MLLT3: variants seen among roughly 807,000 people sequenced by gnomAD.
The protein encoded by MLLT3 is MLLT3 super elongation complex subunit.
A neutral mutation model predicts 53.2 loss-of-function variants in MLLT3; 4 were observed. The observed-to-expected ratio is 0.08, with a 90% confidence interval of 0.04 to 0.17. The LOEUF (loss-of-function observed/expected upper bound fraction) is 0.17. Ranked by LOEUF, MLLT3 falls within the 10% of genes least tolerant of loss-of-function variation. The probability of loss-of-function intolerance (pLI) is 1.00; values close to 1 mark genes in which losing one functional copy is unlikely to be tolerated. For missense variants in MLLT3, 569 were observed against 684.0 expected (o/e 0.83, Z 1.87); for synonymous variants, 283 against 230.6 (o/e 1.23, Z -2.06).
chr9:20,353,009 C>T (rs139054554), intron 10 of MLLT3, among the ~76,000 whole-genome samples: 18 of 152,164 alleles, frequency 1.2e-4, no homozygotes, highest in African/African-American at 4.3e-4. Context: ...ACAAGTATTC[C>T]ACTACAAGTA....
chr9:20,389,173 T>C (rs1822121461), intron 5 of MLLT3, among the ~76,000 whole-genome samples: 1 of 152,222 alleles, frequency 6.6e-6, no homozygotes, highest in Admixed American at 6.5e-5. Context: ...AATGGAATAT[T>C]ACTCAGACAT....
intron 2 of MLLT3, among the ~76,000 whole-genome samples, chr9:20,479,884 C>A (rs1280202605): frequency 2.6e-5 from 4 of 152,068 alleles, no homozygotes; most frequent in African/African-American, 4.8e-5. Context: ...CATAACAATG[C>A]CATGGTATAT....
intron 5 of MLLT3, among the ~76,000 whole-genome samples, chr9:20,405,340 T>A (rs1452234722): frequency 6.6e-6 from 1 of 152,244 alleles, no homozygotes; most frequent in Non-Finnish European, 1.5e-5. Context: ...CACCAGAATG[T>A]GGCACCACTA....
At chr9:20,516,395 G>A (rs1817921031) in intron 2 of MLLT3, among the ~76,000 whole-genome samples, 2 of 152,202 alleles carry the variant, frequency 1.3e-5, no homozygotes, top group Admixed American at 1.3e-4. Context: ...TAATCACAGA[G>A]CTAGAGCTTC....
At chr9:20,552,497 C>G (rs1818948623) in intron 2 of MLLT3, among the ~76,000 whole-genome samples, 1 of 152,132 alleles carries the variant, frequency 6.6e-6, no homozygotes, top group African/African-American at 2.4e-5. Context: ...GCTAGAACAT[C>G]TCCTTCCCAG....
At chr9:20,617,744 A>G (rs975588822) in intron 2 of MLLT3, among the ~76,000 whole-genome samples, 6 of 152,130 alleles carry the variant, frequency 3.9e-5, no homozygotes, top group Non-Finnish European at 5.9e-5. Context: ...TCACCATTTC[A>G]TCAAAATCTC....
At chr9:20,505,560 C>T (rs549369268) in intron 2 of MLLT3, among the ~76,000 whole-genome samples, 31 of 152,286 alleles carry the variant, frequency 2.0e-4, no homozygotes, top group Non-Finnish European at 3.8e-4. Context: ...GATAAGAATT[C>T]GAAGAGGTTA....
At position 20,551,647 on chromosome 9, in the gene MLLT3, C is replaced by G. The variant is rs183694310; in HGVS notation, c.193+69007G>C. On this transcript the variant is annotated intron_variant, in intron 2 of 10. Transcript: ENST00000380338. ...GAATCAGAAAAGAAAAAAAAACTTGCTCATTGATCAAGGTGACACAGTGCA... is the reference window on the plus strand; with the variant it reads ...GAATCAGAAAAGAAAAAAAAACTTGGTCATTGATCAAGGTGACACAGTGCA... Among the ~76,000 whole-genome samples the G allele has an allele frequency of 5.9e-4, 90 of 152,246 alleles. 1 individual carries two copies. Among genetic ancestry groups the G allele is most frequent in the Non-Finnish European group, 5.9e-5 (4 of 68,008 alleles).
At chr9:20,496,813 A>G (rs1825089913) in intron 2 of MLLT3, among the ~76,000 whole-genome samples, 2 of 152,128 alleles carry the variant, frequency 1.3e-5, no homozygotes, top group Non-Finnish European at 2.9e-5. Flanking sequence ...TCCCTGTCCA[A>G]CTTCCTCTAC....
intron 2 of MLLT3, among the ~76,000 whole-genome samples, chr9:20,498,517 T>C (rs1025838979): frequency 6.6e-6 from 1 of 152,226 alleles, no homozygotes; most frequent in African/African-American, 2.4e-5. Context: ...ATTCATATAA[T>C]CTAGATCAAG....
intron 5 of MLLT3, among the ~76,000 whole-genome samples, chr9:20,382,086 A>C (rs980716259): frequency 2.0e-5 from 3 of 151,950 alleles, no homozygotes; most frequent in South Asian, 4.2e-4. Flanking sequence ...CTGGAGAACA[A>C]ATGCACACTG....
chr9:20,453,555 CCCA>C (rs1377981712), intron 3 of MLLT3, among the ~76,000 whole-genome samples: 2 of 151,952 alleles, frequency 1.3e-5, no homozygotes, highest in Admixed American at 6.6e-5. Flanking sequence ...AGAGTGAAAC[CCCA>C]CCAAAACAAA....
chr9:20,399,457 G>A lies in MLLT3; in HGVS notation c.1125+14264C>T, dbSNP rs149178121. ...CCTCAAAATAGTCCACTGGTCAGGA[G>A]AAAAACACTTTAATATGACGGAAAA... is the stretch of plus-strand genomic sequence containing the variant. On this transcript the variant is annotated intron_variant, in intron 5 of 10. Transcript: ENST00000380338. Among the ~76,000 whole-genome samples, 8 of 152,160 alleles carry A rather than the reference G, an allele frequency of 5.3e-5. No homozygotes were observed. The East Asian group carries it at 1.5e-3, about 29-fold the overall frequency.
intron 5 of MLLT3, among the ~76,000 whole-genome samples, chr9:20,374,083 T>A (rs1219996861): frequency 2.0e-5 from 3 of 152,084 alleles, no homozygotes; most frequent in African/African-American, 4.8e-5. Context: ...AATGTACATT[T>A]AAAAAAATAA....
intron 2 of MLLT3, among the ~76,000 whole-genome samples, chr9:20,515,840 G>C (rs115476059): frequency 0.021 from 3,179 of 152,180 alleles, 108 homozygotes; most frequent in African/African-American, 0.071. Flanking sequence ...CTTCCCCAAA[G>C]CTCAAGCACA....
chr9:20,549,934 C>T (rs1050593290), intron 2 of MLLT3, among the ~76,000 whole-genome samples: 2 of 152,186 alleles, frequency 1.3e-5, no homozygotes, highest in African/African-American at 4.8e-5. Context: ...CTATTCTACT[C>T]CCCTCTGCAC....
Position 20,360,785 on chromosome 9 carries a change from T to G in MLLT3, c.1388A>C (p.His463Pro), listed in dbSNP as rs771493754. The G allele has an allele frequency of 2.5e-6, 4 of 1,614,028 alleles. No individual in the cohort carries two copies. The African/African-American group carries it at 5.3e-5, about 22-fold the overall frequency. Residue 463 changes from histidine to proline, a missense_variant, in exon 8 of 11, where the codon CAT (histidine) becomes CCT (proline). Physicochemically the swap from His to Pro is moderately conservative, Grantham distance 77. This residue lies in a region of MLLT3 where 437 missense variants were observed against 376.5 expected (regional missense o/e 1.16). Coordinates refer to ENST00000380338, the MANE Select transcript of MLLT3 (RefSeq NM_004529.4). ...SESSSASSPL[H>P]HEPPPPLLKT... is the part of the protein sequence containing the mutation. ...TAGTAAGGGTGGTGGAGGTTCGTGA[T>G]GTAGGGGTGAAGAAGCAGAACTGCT... is the stretch of plus-strand genomic sequence containing the variant.
At chr9:20,556,232 C>G (rs952754931) in intron 2 of MLLT3, among the ~76,000 whole-genome samples, 1 of 151,896 alleles carries the variant, frequency 6.6e-6, no homozygotes, top group Non-Finnish European at 1.5e-5. Flanking sequence ...AACTCCATTC[C>G]ACAAATGGAA....
intron 2 of MLLT3, among the ~76,000 whole-genome samples, chr9:20,591,644 A>T (rs920745074): frequency 6.6e-6 from 1 of 152,148 alleles, no homozygotes; most frequent in African/African-American, 2.4e-5. Flanking sequence ...AAATTACCAA[A>T]CTTACATGCA....
Sources: allele counts gnomAD v4.1 joint callset (sites outside exome capture counted in the v4.1 genomes callset), GRCh38; gene constraint gnomAD v4.1.1; regional missense constraint gnomAD v4.1.1; transcripts MANE v1.5; gene names NCBI Gene and HGNC (gene_info 2026-07-23, HGNC 2026-07-21).